MRPL22: variants seen among roughly 807,000 people sequenced by gnomAD.
The protein encoded by MRPL22 is large ribosomal subunit protein uL22m.
A neutral mutation model predicts 32.4 loss-of-function variants in MRPL22; 27 were observed. The observed-to-expected ratio is 0.83, with a 90% confidence interval of 0.61 to 1.15. MRPL22 has a LOEUF of 1.15. Among genes scored for constraint, MRPL22 ranks in the 50% most tolerant of loss-of-function variants. The probability of loss-of-function intolerance (pLI) is 0.00; values close to 1 mark genes in which losing one functional copy is unlikely to be tolerated. For synonymous variants in MRPL22, 86 were observed against 87.3 expected (o/e 0.99, Z 0.08); for missense variants, 239 against 260.2 (o/e 0.92, Z 0.56).
chr5:154,941,107 A>G lies in MRPL22; in HGVS notation c.-4A>G, dbSNP rs1764406414. Reference sequence around the variant, plus strand: ...CGGCGGCTTCCGTAGCGGGAGGGCGAAAGATGGCGGCGGCAGTACTGGGAC... The same window carrying G: ...CGGCGGCTTCCGTAGCGGGAGGGCGGAAGATGGCGGCGGCAGTACTGGGAC... On this transcript the variant is annotated 5_prime_UTR_variant, in exon 1 of 7. Coordinates refer to ENST00000523037, the MANE Select transcript of MRPL22 (RefSeq NM_014180.4). 6.2e-7 allele frequency: 1 copy of G among 1,613,674 alleles called. No individual in the cohort carries two copies.
intron 6 of MRPL22, among the ~76,000 whole-genome samples, chr5:154,964,013 G>T (rs1764736259): frequency 6.6e-6 from 1 of 152,212 alleles, no homozygotes; most frequent in Admixed American, 6.5e-5. Context: ...TTGACCTCGA[G>T]TAGATAAAAT....
Position 154,941,249 on chromosome 5 carries a change from G to A in MRPL22, c.61G>A (p.Gly21Arg), listed in dbSNP as rs373385204. Residue 21 changes from glycine (G) to arginine (R), a missense_variant, in exon 2 of 7, where the codon GGG (glycine) becomes AGG (arginine). Coordinates refer to ENST00000523037, the MANE Select transcript of MRPL22 (RefSeq NM_014180.4). ...ALWIHNLRSR[G>R]KLALGVLPQS... The stretch of plus-strand genomic sequence containing the variant: ...ATGGATACATAACCTGAGGAGCCGG[G>A]GGAAGCTGGCCTTGGGGTGAGTCTC... 6 of 1,613,278 alleles carry A rather than the reference G, an allele frequency of 3.7e-6. No homozygotes were observed. The African/African-American group carries it at 4.0e-5, about 11-fold the overall frequency.
chr5:154,959,995 C>G lies in MRPL22; in HGVS notation c.355C>G (p.Gln119Glu). 1 of 1,611,624 alleles carries G rather than the reference C, an allele frequency of 6.2e-7. No homozygotes were observed. Among genetic ancestry groups the G allele is most frequent in the South Asian group, 1.1e-5 (1 of 90,716 alleles). The change falls in exon 6 of 7, where the codon CAA (glutamine) becomes GAA (glutamate). Residue 119 changes from glutamine (Q) to glutamate (E), a missense_variant. Transcript: ENST00000523037. ...CTTATTTAAGGTTCTCTTAGAAGCA[C>G]AAGATATGGCAGTGAGAGACCATAA... is the stretch of plus-strand genomic sequence containing the variant. ...KIIKEVLLEA[Q>E]DMAVRDHNVE...
chr5:154,955,818 T>C (rs931706664), intron 3 of MRPL22: 1 of 152,578 alleles, frequency 6.6e-6, no homozygotes, highest in Non-Finnish European at 1.5e-5. Context: ...GTTTTATTTA[T>C]TTTACAGAAG....
intron 2 of MRPL22, among the ~76,000 whole-genome samples, chr5:154,945,277 C>G (rs1439721407): frequency 6.6e-6 from 1 of 152,072 alleles, no homozygotes; most frequent in Non-Finnish European, 1.5e-5. Context: ...CTTGTTGATG[C>G]ATTGGATGGG....
chr5:154,967,036 T>G lies in MRPL22; in HGVS notation c.*139T>G, dbSNP rs1450259921. Reference sequence around the variant, plus strand: ...ATAACTGCTAGTTGTAAATGAATATTTATAAGGCTTTGCCCATTTCTTTTG... The same window carrying G: ...ATAACTGCTAGTTGTAAATGAATATGTATAAGGCTTTGCCCATTTCTTTTG... On this transcript the variant is annotated 3_prime_UTR_variant, in exon 7 of 7. Transcript: ENST00000523037. The surrounding 1 kb of genome is among the most constrained non-coding windows in gnomAD (Gnocchi z 4.7). 1 of 969,762 alleles carries G rather than the reference T, an allele frequency of 1.0e-6. No homozygotes were observed. The highest frequency in any genetic ancestry group is 2.6e-5 in the East Asian group (1 of 37,902). 60.1% of individuals were successfully genotyped at this position (969,762 alleles called of 1,614,324 possible).
At position 154,967,060 on chromosome 5, in the gene MRPL22, T is replaced by C; in HGVS notation, c.*163T>C. On this transcript the variant is annotated 3_prime_UTR_variant, in exon 7 of 7. Transcript: ENST00000523037. This position sits in a 1 kb window ranked among gnomAD's most constrained non-coding sequence, Gnocchi z 4.7. ...TTTATAAGGCTTTGCCCATTTCTTT[T>C]GAGCCTCTGGGCATATTTGTATGCA... 6 of 834,342 alleles carry C rather than the reference T, an allele frequency of 7.2e-6. No individual in the cohort carries two copies. Among genetic ancestry groups the C allele is most frequent in the Non-Finnish European group, 1.1e-5 (6 of 555,188 alleles). 51.7% of individuals were successfully genotyped at this position (834,342 alleles called of 1,614,324 possible). A position where few individuals can be genotyped will look rare whatever the true frequency, so the allele number is the denominator to read the frequency against.
At chr5:154,957,675 A>T (rs1764647599) in intron 5 of MRPL22, among the ~76,000 whole-genome samples, 1 of 152,020 alleles carries the variant, frequency 6.6e-6, no homozygotes, top group East Asian at 1.9e-4. Flanking sequence ...CCTGGACTGG[A>T]ACTCAAGAGA....
chr5:154,968,189 A>C lies in MRPL22; in HGVS notation c.*1292A>C, dbSNP rs1764793751. On this transcript the variant is annotated 3_prime_UTR_variant, in exon 7 of 7. Transcript: ENST00000523037. ...TTGGGGCTATGATTGAAAGGTTTCT[A>C]AAGTAGCTGGTTCTGCATACCTTTT... The C allele has an allele frequency of 6.6e-6, 1 of 152,196 alleles. No individual in the cohort carries two copies. Among genetic ancestry groups the C allele is most frequent in the African/African-American group, 2.4e-5 (1 of 41,434 alleles). 9.4% of individuals were successfully genotyped at this position (152,196 alleles called of 1,614,324 possible).
At chr5:154,963,493 A>G (rs1366410455) in intron 6 of MRPL22, among the ~76,000 whole-genome samples, 2 of 152,260 alleles carry the variant, frequency 1.3e-5, no homozygotes, top group East Asian at 3.8e-4. Flanking sequence ...CTTCTGAAGT[A>G]TAATAATACT....
At chr5:154,961,846 T>C (rs348748) in intron 6 of MRPL22, among the ~76,000 whole-genome samples, 24,803 of 151,908 alleles carry the variant, frequency 0.16, 2,658 homozygotes, top group African/African-American at 0.3. Context: ...ACGAGCACAC[T>C]TAGCTAATTT....
chr5:154,966,852 G>A lies in MRPL22; in HGVS notation c.576G>A (p.Glu192=), dbSNP rs752038120. The part of the protein sequence containing the change: ...PPKTAVAHAK[E]YIQQLRSRTI... ...AGACGGCAGTTGCCCATGCCAAAGA[G>A]TATATTCAGCAGCTTCGCAGCCGGA... is the stretch of plus-strand genomic sequence containing the variant. Residue 192 remains glutamate, a synonymous_variant, in exon 7 of 7, where the codon GAG becomes GAA. Transcript: ENST00000523037. The A allele has an allele frequency of 2.5e-6, 4 of 1,614,020 alleles. No homozygotes were observed. Among genetic ancestry groups the A allele is most frequent in the African/African-American group, 2.7e-5 (2 of 74,938 alleles).
chr5:154,960,440 T>C (rs1764686957), intron 6 of MRPL22, among the ~76,000 whole-genome samples: 1 of 152,226 alleles, frequency 6.6e-6, no homozygotes, highest in South Asian at 2.1e-4. Context: ...TTATTTATAA[T>C]GTGCCAAGCC....
intron 6 of MRPL22, among the ~76,000 whole-genome samples, chr5:154,963,097 C>G (rs1485545191): frequency 6.6e-6 from 1 of 152,112 alleles, no homozygotes; most frequent in East Asian, 1.9e-4. Flanking sequence ...CATCACCACA[C>G]CCAGCTAATT....
intron 3 of MRPL22, among the ~76,000 whole-genome samples, chr5:154,951,328 TTTTGTTTG>T (rs139854722): frequency 2.2e-4 from 34 of 151,998 alleles, no homozygotes; most frequent in South Asian, 6.2e-4. Flanking sequence ...ACACACTGTT[TTTTGTTTG>T]TTTGTTTGTT....
chr5:154,944,111 C>T (rs1231058278), intron 2 of MRPL22, among the ~76,000 whole-genome samples: 2 of 152,138 alleles, frequency 1.3e-5, no homozygotes, highest in African/African-American at 2.4e-5. Context: ...GTGCAGGCCG[C>T]CATACCTGGC....
Position 154,966,890 on chromosome 5 carries a change from C to G in MRPL22, c.614C>G (p.Thr205Ser), listed in dbSNP as rs1389520884. 6.8e-6 allele frequency: 11 copies of G among 1,611,068 alleles called. No homozygotes were observed. Among genetic ancestry groups the G allele is most frequent in the Admixed American group, 1.7e-5 (1 of 59,452 alleles). ...CTTCGCAGCCGGACCATCGTTCACACTCTATGATGAGGAGATTCAGACTCC... is the reference window on the plus strand; with the variant it reads ...CTTCGCAGCCGGACCATCGTTCACAGTCTATGATGAGGAGATTCAGACTCC... Reference protein sequence around the residue: ...QQLRSRTIVHTL With the variant: ...QQLRSRTIVHSL The change falls in exon 7 of 7, where the codon ACT becomes AGT. Residue 205 changes from threonine to serine, a missense_variant. Physicochemically the swap from Thr to Ser is moderately conservative, Grantham distance 58. Transcript: ENST00000523037.
intron 6 of MRPL22, among the ~76,000 whole-genome samples, chr5:154,962,499 C>T (rs1417065562): frequency 6.6e-6 from 1 of 152,118 alleles, no homozygotes; most frequent in Non-Finnish European, 1.5e-5. Flanking sequence ...TTATTGGCTA[C>T]TATTTTGGTT....
Position 154,960,046 on chromosome 5 carries a change from A to G in MRPL22, c.406A>G (p.Ile136Val), listed in dbSNP as rs757838219. The change falls in exon 6 of 7, where the codon ATA (isoleucine) becomes GTA (valine). Residue 136 changes from isoleucine (I) to valine (V), a missense_variant. Ile to Val is a conservative substitution (Grantham distance 29, BLOSUM62 3). Coordinates refer to ENST00000523037, the MANE Select transcript of MRPL22 (RefSeq NM_014180.4). ...CGTGGAATTCAGGTCCAATTTATAT[A>G]TAGGTAAGATTTTTAATATTCTTAG... ...HNVEFRSNLYIAESTSGRGQC... is the reference protein window; with the variant it reads ...HNVEFRSNLYVAESTSGRGQC... 1.1e-5 allele frequency: 17 copies of G among 1,600,440 alleles called. No homozygotes were observed. Among genetic ancestry groups the G allele is most frequent in the Non-Finnish European group, 1.5e-5 (17 of 1,168,548 alleles).
Sources: gnomAD v4.1 joint callset for allele counts (sites outside exome capture counted in the v4.1 genomes callset) on GRCh38, gnomAD v4.1.1 for gene constraint, Gnocchi (gnomAD v3.1) non-coding constraint, MANE v1.5 for transcripts, NCBI Gene and HGNC (gene_info 2026-07-23, HGNC 2026-07-21) for gene names.